RIN2: variants seen among roughly 807,000 people sequenced by gnomAD.
RIN2 encodes Ras and Rab interactor 2.
Under a neutral mutation model 78.0 loss-of-function variants are expected in RIN2, and 36 were observed. The observed-to-expected ratio is 0.46, with a 90% CI of 0.35 to 0.61. The LOEUF (loss-of-function observed/expected upper bound fraction) is 0.61. Ranked by LOEUF, RIN2 falls within the 20% of genes least tolerant of loss-of-function variation. RIN2 has a pLI of 0.00. For missense variants in RIN2, 1,087 were observed against 1,159.7 expected (o/e 0.94, Z 0.91); for synonymous variants, 466 against 466.8 (o/e 1.00, Z 0.02).
intron 2 of RIN2, among the ~76,000 whole-genome samples, chr20:19,851,024 AGGAAGGAAGGAAGGAAGGAAGGAAGG>A (rs2036947908): frequency 8.1e-6 from 1 of 123,634 alleles, no homozygotes; most frequent in African/African-American, 3.7e-5. Context: ...GAAGGAAGGA[AGGAAGGAAGGAAGGAAGGAAGGAAGG>A]AGAAAGAAAG....
rs375505886 is a variant in RIN2 at position 19,956,620 on chromosome 20, T to C, written c.164T>C (p.Val55Ala). 29 of 1,613,100 alleles carry C rather than the reference T, an allele frequency of 1.8e-5. No homozygotes were observed. The African/African-American group carries it at 3.6e-4, about 20-fold the overall frequency. Residue 55 changes from valine to alanine, a missense_variant, in exon 5 of 13, where the codon GTA becomes GCA. Val to Ala is a moderately conservative substitution (Grantham distance 64, BLOSUM62 0). Coordinates refer to ENST00000255006, the MANE Select transcript of RIN2 (RefSeq NM_018993.4). ...GCCGCTTCTCTTTCTCCTAGCATGGTAAGACACAAGGATGGTGGCTATTCC... is the reference window on the plus strand; with the variant it reads ...GCCGCTTCTCTTTCTCCTAGCATGGCAAGACACAAGGATGGTGGCTATTCC... Reference protein sequence around the residue: ...GLEPAETHSMVRHKDGGYSEE... With the variant: ...GLEPAETHSMARHKDGGYSEE...
intron 2 of RIN2, among the ~76,000 whole-genome samples, chr20:19,858,616 T>A (rs1278810438): frequency 6.6e-6 from 1 of 152,232 alleles, no homozygotes; most frequent in African/African-American, 2.4e-5. Context: ...GACCATCATT[T>A]TCCTTCTAAG....
intron 2 of RIN2, among the ~76,000 whole-genome samples, chr20:19,876,566 C>G (rs1051122894): frequency 8.3e-6 from 1 of 120,534 alleles, no homozygotes; most frequent in Non-Finnish European, 1.9e-5. Context: ...GCATAACAGA[C>G]AGGCGAAATG....
At chr20:19,818,050 G>A (rs1410169378) in intron 2 of RIN2, among the ~76,000 whole-genome samples, 1 of 152,216 alleles carries the variant, frequency 6.6e-6, no homozygotes, top group Admixed American at 6.5e-5. Flanking sequence ...CACTACACAG[G>A]TAGGCTATAT....
intron 2 of RIN2, among the ~76,000 whole-genome samples, chr20:19,887,077 G>C (rs1401994926): frequency 1.3e-5 from 2 of 151,488 alleles, no homozygotes; most frequent in African/African-American, 4.9e-5. Flanking sequence ...TCAGGCCAAA[G>C]TGCAGTGGTG....
intron 3 of RIN2, among the ~76,000 whole-genome samples, chr20:19,914,018 G>A (rs968766193): frequency 6.6e-5 from 10 of 152,206 alleles, no homozygotes; most frequent in East Asian, 1.9e-4. Context: ...GATGGGGTGC[G>A]TGTGAAGTTG....
At chr20:19,901,808 G>A (rs140612736) in intron 3 of RIN2, among the ~76,000 whole-genome samples, 1,638 of 152,114 alleles carry the variant, frequency 0.011, 25 homozygotes, top group African/African-American at 0.038. Context: ...CTTGAGGTTA[G>A]GTGTTTGAGA....
intron 3 of RIN2, among the ~76,000 whole-genome samples, chr20:19,929,677 T>C (rs931695461): frequency 4.5e-4 from 69 of 152,296 alleles, no homozygotes; most frequent in Non-Finnish European, 8.8e-5. Context: ...CACCAACTGC[T>C]ATTGGCTTTG....
intron 2 of RIN2, among the ~76,000 whole-genome samples, chr20:19,870,613 C>T (rs1469124125): frequency 6.6e-6 from 1 of 152,182 alleles, no homozygotes; most frequent in Non-Finnish European, 1.5e-5. Flanking sequence ...CACCACTGCA[C>T]TCCAGCCTGG....
intron 1 of RIN2, among the ~76,000 whole-genome samples, chr20:19,791,002 T>C (rs1009957515): frequency 5.3e-5 from 8 of 152,186 alleles, no homozygotes; most frequent in African/African-American, 1.7e-4. Flanking sequence ...AGTGGTTCTG[T>C]CTAAACTAAA....
intron 7 of RIN2, among the ~76,000 whole-genome samples, chr20:19,966,898 C>T (rs1049048501): frequency 6.9e-6 from 1 of 145,982 alleles, no homozygotes; most frequent in African/African-American, 2.6e-5. Context: ...GAAGCACAGC[C>T]CCCAACAGAC....
At chr20:19,826,416 T>G (rs1416149169) in intron 2 of RIN2, among the ~76,000 whole-genome samples, 25 of 152,194 alleles carry the variant, frequency 1.6e-4, no homozygotes, top group Admixed American at 1.6e-3. Context: ...GTCACACTCT[T>G]AGTGATTCCC....
intron 4 of RIN2, among the ~76,000 whole-genome samples, chr20:19,946,476 G>T (rs2041094625): frequency 1.3e-5 from 2 of 152,136 alleles, no homozygotes; most frequent in Non-Finnish European, 2.9e-5. Flanking sequence ...GCACCACTTT[G>T]AGAGGCCAAG....
intron 12 of RIN2, among the ~76,000 whole-genome samples, chr20:19,997,778 C>A (rs2043017122): frequency 6.6e-6 from 1 of 151,958 alleles, no homozygotes; most frequent in Non-Finnish European, 1.5e-5. Flanking sequence ...ACAAAGAAAT[C>A]CTTACCCAAC....
At position 19,935,341 on chromosome 20, in the gene RIN2, G is replaced by A. The variant is rs912104279; in HGVS notation, c.158+142G>A. On this transcript the variant is annotated intron_variant, in intron 4 of 12. Coordinates refer to ENST00000255006, the MANE Select transcript of RIN2 (RefSeq NM_018993.4). ...CAGCTCTAGATGAAATCCTCTGTAG[G>A]AGGTGGGAGTGGCCTAGGAACTAGT... 6 of 1,241,372 alleles carry A rather than the reference G, an allele frequency of 4.8e-6. No individual in the cohort carries two copies. The African/African-American group carries it at 7.7e-5, about 16-fold the overall frequency. The allele number at this position is 1,241,372 out of a possible 1,614,324, so 76.9% of individuals were successfully genotyped here. A position where few individuals can be genotyped will look rare whatever the true frequency, so the allele number is the denominator to read the frequency against.
intron 3 of RIN2, among the ~76,000 whole-genome samples, chr20:19,927,881 G>C (rs529088197): frequency 1.3e-5 from 2 of 151,666 alleles, no homozygotes; most frequent in Non-Finnish European, 2.9e-5. Flanking sequence ...GAGGATTAGA[G>C]AGTATTTAGG....
chr20:19,954,053 T>G (rs1344255003), intron 4 of RIN2, among the ~76,000 whole-genome samples: 1 of 152,176 alleles, frequency 6.6e-6, no homozygotes, highest in South Asian at 2.1e-4. Flanking sequence ...ACGAAGGTGA[T>G]GGAGAGAAGT....
At chr20:19,988,727 G>T (rs778087689) in intron 9 of RIN2, among the ~76,000 whole-genome samples, 5 of 152,132 alleles carry the variant, frequency 3.3e-5, no homozygotes, top group Non-Finnish European at 7.3e-5. Context: ...ACACCCAAAG[G>T]TGTTTCCTAA....
At chr20:19,792,325 A>T (rs963309048) in intron 1 of RIN2, among the ~76,000 whole-genome samples, 1 of 152,252 alleles carries the variant, frequency 6.6e-6, no homozygotes, top group Admixed American at 6.5e-5. Flanking sequence ...ATATTCAAGT[A>T]TATAACATGC....
Sources: allele counts gnomAD v4.1 joint callset (sites outside exome capture counted in the v4.1 genomes callset), GRCh38; gene constraint gnomAD v4.1.1; transcripts MANE v1.5; gene names NCBI Gene and HGNC (gene_info 2026-07-23, HGNC 2026-07-21).